Variants in C6orf89 observed in about 807,000 individuals in gnomAD.
C6orf89 encodes the protein bombesin receptor-activated protein C6orf89.
C6orf89 carries 29 observed loss-of-function variants against 40.7 expected under a neutral mutation model. The ratio of observed to expected loss-of-function variants is 0.71; its 90% CI spans 0.53 to 0.97. C6orf89 has a LOEUF of 0.97. Ranked by LOEUF, C6orf89 falls within the 50% of genes least tolerant of loss-of-function variation. The probability of loss-of-function intolerance (pLI) is 0.00; values close to 1 mark genes in which losing one functional copy is unlikely to be tolerated. For synonymous variants in C6orf89, 165 were observed against 152.2 expected, an observed-to-expected ratio of 1.08 and a Z score of -0.62; for missense variants, 392 against 429.1, an observed-to-expected ratio of 0.91 and a Z score of 0.76.
rs554592010 is a variant in C6orf89, at chr6:36,874,135, G to T, written c.-628+2168G>T. Among the ~76,000 whole-genome samples the T allele has an allele frequency of 2.6e-5, 4 of 152,274 alleles. No homozygotes were observed. The South Asian group carries it at 8.3e-4, about 32-fold the overall frequency. On this transcript the variant is annotated intron_variant, in intron 1 of 9. Transcript: ENST00000359359. The stretch of plus-strand genomic sequence containing the variant: ...TCCGGCGTTTCCTCCTGCTAATATT[G>T]AAAGGGAGAAAGTTAAATAATACCT...
At chr6:36,921,520 C>T (rs1156980106) in intron 8 of C6orf89, among the ~76,000 whole-genome samples, 1 of 152,144 alleles carries the variant, frequency 6.6e-6, no homozygotes, top group Non-Finnish European at 1.5e-5. Context: ...CATCTGCAGT[C>T]ACTGTACAGG....
Position 36,914,541 on chromosome 6 carries a change from C to G in C6orf89, c.556-13C>G, listed in dbSNP as rs1397607788. 3.1e-6 allele frequency: 5 copies of G among 1,613,332 alleles called. No individual in the cohort carries two copies. Among genetic ancestry groups the G allele is most frequent in the Non-Finnish European group, 4.2e-6 (5 of 1,179,580 alleles). On this transcript the variant is annotated splice_polypyrimidine_tract_variant and intron_variant, in intron 5 of 8. Coordinates refer to ENST00000480824, the MANE Select transcript of C6orf89 (RefSeq NM_001286635.2). ...ACTCTGTGTTGTTTTGTTTTGTTTC[C>G]TGCCTTGCCAAGACGGGAAAGCCCC... is the stretch of plus-strand genomic sequence containing the variant.
chr6:36,905,821 C>T (rs1761905610), intron 4 of C6orf89, among the ~76,000 whole-genome samples: 1 of 152,118 alleles, frequency 6.6e-6, no homozygotes, highest in African/African-American at 2.4e-5. Context: ...GTACATACCC[C>T]ATTTTATAAA....
At chr6:36,915,869 G>T (rs1762296879) in intron 6 of C6orf89, among the ~76,000 whole-genome samples, 1 of 152,168 alleles carries the variant, frequency 6.6e-6, no homozygotes, top group Non-Finnish European at 1.5e-5. Flanking sequence ...TTGTGGTTAA[G>T]GTTGCTGTCT....
Position 36,914,325 on chromosome 6 carries a change from T to G in C6orf89, c.445T>G (p.Ser149Ala). Residue 149 changes from serine (S) to alanine (A), a missense_variant, in exon 5 of 9, where the codon TCA (serine) becomes GCA (alanine). By Grantham distance (99) the Ser-to-Ala change is moderately conservative. Coordinates refer to ENST00000480824, the MANE Select transcript of C6orf89 (RefSeq NM_001286635.2). ...WWTNDCEQNE[S>A]EPIPANCTGC... ...GACAAACGACTGTGAGCAGAATGAG[T>G]CAGAGCCCATTCCTGCCAACTGCAC... 1 of 1,614,086 alleles carries G rather than the reference T, an allele frequency of 6.2e-7. No homozygotes were observed. The highest frequency in any genetic ancestry group is 8.5e-7 in the Non-Finnish European group (1 of 1,180,026).
intron 1 of C6orf89, among the ~76,000 whole-genome samples, chr6:36,891,069 T>C (rs1761193220): frequency 6.6e-6 from 1 of 152,186 alleles, no homozygotes; most frequent in African/African-American, 2.4e-5. Flanking sequence ...TATGTATATG[T>C]GTGCCATGTT....
intron 1 of C6orf89, among the ~76,000 whole-genome samples, chr6:36,874,112 C>A (rs900076623): frequency 2.6e-5 from 4 of 152,142 alleles, no homozygotes; most frequent in African/African-American, 9.7e-5. Context: ...CTGTAAATTC[C>A]GGCGTTTCCT....
chr6:36,882,734 C>CTTT (rs1178360256), upstream of C6orf89, among the ~76,000 whole-genome samples: 14 of 46,302 alleles, frequency 3.0e-4, no homozygotes, highest in Non-Finnish European at 4.6e-4. Flanking sequence ...TTTCTTTTTT[C>CTTT]TTTTTTTTTT....
chr6:36,892,266 C>T (rs1437813472), intron 1 of C6orf89, among the ~76,000 whole-genome samples: 8 of 152,146 alleles, frequency 5.3e-5, no homozygotes, highest in Admixed American at 5.2e-4. Context: ...AGGAGGTTCT[C>T]CTGTGCATTG....
chr6:36,900,477 C>T (rs1389132606), intron 3 of C6orf89, among the ~76,000 whole-genome samples: 2 of 151,698 alleles, frequency 1.3e-5, no homozygotes, highest in South Asian at 2.1e-4. Flanking sequence ...GCTGGGATTA[C>T]AGGCCTAAGT....
intron 3 of C6orf89, among the ~76,000 whole-genome samples, chr6:36,899,945 T>C (rs1378786726): frequency 1.3e-5 from 2 of 152,274 alleles, no homozygotes; most frequent in African/African-American, 2.4e-5. Context: ...TGGAGTGCAA[T>C]GGCGCAATCT....
At chr6:36,896,648 T>C (rs1675878651) in intron 2 of C6orf89, among the ~76,000 whole-genome samples, 2 of 152,150 alleles carry the variant, frequency 1.3e-5, no homozygotes, top group South Asian at 2.1e-4. Flanking sequence ...CTACAAAAAG[T>C]TTTTAATTTT....
chr6:36,897,129 C>CAAAAAAAAAA (rs34191608), intron 2 of C6orf89, among the ~76,000 whole-genome samples: 4 of 85,346 alleles, frequency 4.7e-5, no homozygotes, highest in Admixed American at 1.3e-4. Flanking sequence ...GACTCTGTCT[C>CAAAAAAAAAA]AAAAAAAAAA....
At chr6:36,875,341 C>G (rs1314854465) in intron 1 of C6orf89, among the ~76,000 whole-genome samples, 2 of 152,198 alleles carry the variant, frequency 1.3e-5, no homozygotes, top group Non-Finnish European at 2.9e-5. Context: ...GCAGTTAATA[C>G]TTGTTTTTCC....
intron 1 of C6orf89, among the ~76,000 whole-genome samples, chr6:36,878,831 ACT>A (rs1410016671): frequency 6.6e-6 from 1 of 152,098 alleles, no homozygotes; most frequent in East Asian, 1.9e-4. Context: ...TCTGTACCTC[ACT>A]TCCTATTGCT....
intron 1 of C6orf89, among the ~76,000 whole-genome samples, chr6:36,888,552 TGAA>T (rs1357030552): frequency 1.3e-5 from 2 of 152,154 alleles, no homozygotes; most frequent in Non-Finnish European, 2.9e-5. Flanking sequence ...GAGAATCTCT[TGAA>T]GCCAGGAGAC....
rs1762241419 is a variant in C6orf89, at chr6:36,914,446, G to A, written c.555+11G>A. 2.5e-6 allele frequency: 4 copies of A among 1,614,012 alleles called. No individual in the cohort carries two copies. Among genetic ancestry groups the A allele is most frequent in the African/African-American group, 1.3e-5 (1 of 74,942 alleles). ...CCACTGGTGATCAAGGTGAGCAGAAGCCTGAGTCTCCCGCTGATTGGCTGC... is the reference window on the plus strand; with the variant it reads ...CCACTGGTGATCAAGGTGAGCAGAAACCTGAGTCTCCCGCTGATTGGCTGC... On this transcript the variant is annotated intron_variant, in intron 5 of 8. Transcript: ENST00000480824.
At chr6:36,908,793 A>G (rs1172765648) in intron 4 of C6orf89, among the ~76,000 whole-genome samples, 1 of 152,188 alleles carries the variant, frequency 6.6e-6, no homozygotes, top group African/African-American at 2.4e-5. Flanking sequence ...TCCCCTCTCA[A>G]AGGCTCTAGG....
At chr6:36,885,325 G>T (rs1301418201), upstream of C6orf89, among the ~76,000 whole-genome samples, 1 of 152,104 alleles carries the variant, frequency 6.6e-6, no homozygotes, top group Non-Finnish European at 1.5e-5. Context: ...CCTTACTTCC[G>T]ATTCCTGTGC....
Sources: gnomAD v4.1 joint callset for allele counts (sites outside exome capture counted in the v4.1 genomes callset) on GRCh38, gnomAD v4.1.1 for gene constraint, MANE v1.5 for transcripts, NCBI Gene and HGNC (gene_info 2026-07-23, HGNC 2026-07-21) for gene names.